The following PAX2 variants were observed in gnomAD, a reference collection of about 807,000 sequenced individuals.
PAX2 encodes the protein paired box protein Pax-2.
Under a neutral mutation model 41.7 loss-of-function variants are expected in PAX2, and 9 were observed. The observed-to-expected ratio is 0.22, with a 90% CI of 0.13 to 0.38. The LOEUF is 0.38. PAX2 is among the 10% of genes least tolerant of loss of function. The pLI is 1.00. For synonymous variants in PAX2, 221 were observed against 212.7 expected, an observed-to-expected ratio of 1.04 and a Z score of -0.34; for missense variants, 418 against 531.6, an observed-to-expected ratio of 0.79 and a Z score of 2.10.
rs887557643 is a variant in PAX2, at chr10:100,749,413, CT to C, written c.44-330del. The C allele has an allele frequency of 1.0e-5, 12 of 1,157,878 alleles. No homozygotes were observed. In the Admixed American group the frequency reaches 5.1e-4, roughly 49 times the overall value. The allele number at this position is 1,157,878 out of a possible 1,614,324, so 71.7% of individuals were successfully genotyped here. On this transcript the variant is annotated intron_variant, in intron 1 of 9. Coordinates refer to ENST00000355243, the MANE Select transcript of PAX2 (RefSeq NM_000278.5). The stretch of plus-strand genomic sequence containing the variant: ...CTTCCTCTCCTCGCTTTCTTACGCC[CT>C]TTCCGCTGGCATGAATTCCCCTTTG...
intron 1 of PAX2, among the ~76,000 whole-genome samples, chr10:100,738,643 G>C (rs1844849459): frequency 6.6e-6 from 1 of 152,148 alleles, no homozygotes; most frequent in Admixed American, 6.5e-5. Flanking sequence ...CGTTATCCGC[G>C]GGTCTAGACC....
chr10:100,798,207 C>T (rs1186127210), intron 5 of PAX2, among the ~76,000 whole-genome samples: 1 of 150,798 alleles, frequency 6.6e-6, no homozygotes, highest in Non-Finnish European at 1.5e-5. Flanking sequence ...CCTCCATCCC[C>T]AGGGCTCAAG....
chr10:100,795,544 G>A (rs1221593972), intron 5 of PAX2, among the ~76,000 whole-genome samples: 3 of 152,172 alleles, frequency 2.0e-5, no homozygotes, highest in Non-Finnish European at 4.4e-5. Flanking sequence ...TGCAAGCTCT[G>A]GGATATCACC....
chr10:100,738,007 C>G (rs947517534), intron 1 of PAX2, among the ~76,000 whole-genome samples: 1 of 152,204 alleles, frequency 6.6e-6, no homozygotes. Flanking sequence ...CTGCCTATAC[C>G]CCCAGAACTT....
chr10:100,778,329 G>C (rs1846475332), intron 3 of PAX2, among the ~76,000 whole-genome samples: 2 of 152,182 alleles, frequency 1.3e-5, no homozygotes, highest in Admixed American at 1.3e-4. Context: ...TCCTGCAAGG[G>C]GAATGGTTCC....
chr10:100,754,823 G>A (rs1845573657), intron 3 of PAX2, among the ~76,000 whole-genome samples: 1 of 152,216 alleles, frequency 6.6e-6, no homozygotes, highest in Admixed American at 6.5e-5. Context: ...GGCTTGGCAT[G>A]AAGCTTGGCC....
At chr10:100,817,705 C>G (rs1390999035) in intron 7 of PAX2, among the ~76,000 whole-genome samples, 1 of 152,158 alleles carries the variant, frequency 6.6e-6, no homozygotes, top group Non-Finnish European at 1.5e-5. Context: ...AGGCAAGCCT[C>G]AGGTGGGGTA....
chr10:100,826,970 T>C lies in PAX2; in HGVS notation c.1022-39T>C. 7.0e-7 allele frequency: 1 copy of C among 1,437,886 alleles called. No homozygotes were observed. Among genetic ancestry groups the C allele is most frequent in the Non-Finnish European group, 9.8e-7 (1 of 1,021,250 alleles). 89.1% of individuals were successfully genotyped at this position (1,437,886 alleles called of 1,614,324 possible). A position where few individuals can be genotyped will look rare whatever the true frequency, so the allele number is the denominator to read the frequency against. ...CCGGACTCGTGGGGTCCGCCCTGGC[T>C]TGCAGGCGTCTGATCCCCACTCCCC... On this transcript the variant is annotated intron_variant, in intron 8 of 9. Coordinates refer to ENST00000355243, the MANE Select transcript of PAX2 (RefSeq NM_000278.5). The surrounding 1 kb of genome is among the most constrained non-coding windows in gnomAD (Gnocchi z 5.5).
At chr10:100,784,799 CTG>C (rs1165709536) in intron 5 of PAX2, among the ~76,000 whole-genome samples, 1 of 152,188 alleles carries the variant, frequency 6.6e-6, no homozygotes, top group Non-Finnish European at 1.5e-5. Flanking sequence ...AGCTGTGACT[CTG>C]GGGAAAAACT....
At chr10:100,797,041 C>G (rs1847363838) in intron 5 of PAX2, among the ~76,000 whole-genome samples, 1 of 152,222 alleles carries the variant, frequency 6.6e-6, no homozygotes, top group Admixed American at 6.5e-5. Flanking sequence ...TTTGTTGCTT[C>G]TTTTTCCTTC....
chr10:100,784,791 C>T (rs991565229), intron 5 of PAX2, among the ~76,000 whole-genome samples: 9 of 152,154 alleles, frequency 5.9e-5, no homozygotes, highest in African/African-American at 1.2e-4. Context: ...GACTGATCAG[C>T]TGTGACTCTG....
chr10:100,785,985 A>C (rs1198185352), intron 5 of PAX2, among the ~76,000 whole-genome samples: 1 of 152,232 alleles, frequency 6.6e-6, no homozygotes, highest in Non-Finnish European at 1.5e-5. Flanking sequence ...AGAGGATTCC[A>C]TGAGGTCGTG....
At chr10:100,789,942 T>C (rs1847033721) in intron 5 of PAX2, among the ~76,000 whole-genome samples, 1 of 152,240 alleles carries the variant, frequency 6.6e-6, no homozygotes, top group Non-Finnish European at 1.5e-5. Flanking sequence ...TTGGGCCCTG[T>C]GCATAGGTGA....
chr10:100,778,229 C>T (rs1240308062), intron 3 of PAX2, among the ~76,000 whole-genome samples: 2 of 152,194 alleles, frequency 1.3e-5, no homozygotes, highest in Admixed American at 6.5e-5. Context: ...TCCTTTCCGC[C>T]ATCCTCTGTG....
chr10:100,755,823 G>A (rs1845605988), intron 3 of PAX2, among the ~76,000 whole-genome samples: 1 of 152,180 alleles, frequency 6.6e-6, no homozygotes, highest in Admixed American at 6.5e-5. Context: ...AATTAGCCAA[G>A]TGGAGATGGG....
At chr10:100,760,266 A>C (rs534065554) in intron 3 of PAX2, among the ~76,000 whole-genome samples, 62 of 152,292 alleles carry the variant, frequency 4.1e-4, no homozygotes, top group Non-Finnish European at 7.8e-4. Flanking sequence ...GTGGTTTGCT[A>C]TTCAGAAGGC....
intron 1 of PAX2, among the ~76,000 whole-genome samples, chr10:100,739,481 G>T (rs562770642): frequency 6.6e-6 from 1 of 152,294 alleles, no homozygotes; most frequent in East Asian, 1.9e-4. Flanking sequence ...TAGATTTGGT[G>T]CCGGCTCGCA....
chr10:100,807,509 C>A (rs1042096409), intron 6 of PAX2, among the ~76,000 whole-genome samples: 1 of 151,822 alleles, frequency 6.6e-6, no homozygotes, highest in African/African-American at 2.4e-5. Flanking sequence ...CGACCACAGC[C>A]CACGGTACTG....
At chr10:100,760,965 A>T (rs536330067) in intron 3 of PAX2, among the ~76,000 whole-genome samples, 1 of 152,258 alleles carries the variant, frequency 6.6e-6, no homozygotes, top group East Asian at 1.9e-4. Flanking sequence ...GGAGAGCCAG[A>T]GAGAAGGAGG....
Sources: allele counts gnomAD v4.1 joint callset (sites outside exome capture counted in the v4.1 genomes callset), GRCh38; gene constraint gnomAD v4.1.1; non-coding constraint Gnocchi (gnomAD v3.1); transcripts MANE v1.5; gene names NCBI Gene and HGNC (gene_info 2026-07-23, HGNC 2026-07-21).